The following SYNE2 variants were observed in gnomAD, a reference collection of about 807,000 sequenced individuals.
SYNE2 encodes the protein nesprin-2.
Under a neutral mutation model 856.3 loss-of-function variants are expected in SYNE2, and 431 were observed. The ratio of observed to expected loss-of-function variants is 0.50; its 90% CI spans 0.47 to 0.55. The LOEUF (loss-of-function observed/expected upper bound fraction) is 0.55, where lower values mean the gene tolerates loss of function less well. Among genes scored for constraint, SYNE2 ranks in the 20% least tolerant of loss-of-function variants. The pLI, the probability that SYNE2 is intolerant of heterozygous loss-of-function variation, is 0.00. For synonymous variants in SYNE2, 2,923 were observed against 2,872.3 expected, an observed-to-expected ratio of 1.02 and a Z score of -0.56; for missense variants, 8,129 against 8,023.2, an observed-to-expected ratio of 1.01 and a Z score of -0.50.
At chr14:64,210,238 G>A (rs890309651) in intron 103 of SYNE2, 114 bp downstream of exon 103, 1 of 1,348,652 alleles carries the variant, frequency 7.4e-7, no homozygotes. Flanking sequence ...CTTCAGGCCT[G>A]AGCTGTTTTA....
At chr14:63,815,139 TATATATACACATATATATCC>T (rs1888884828) in intron 1 of SYNE2, among the ~76,000 whole-genome samples, 2 of 131,056 alleles carry the variant, frequency 1.5e-5, no homozygotes, top group Admixed American at 8.3e-5. Context: ...TATATATCCA[TATATATACACATATATATCC>T]ATATATATCC....
In SYNE2 at chr14:64,025,210, A is replaced by G. The variant is rs2096968453; in HGVS notation, c.6041A>G (p.Glu2014Gly). 1.9e-6 allele frequency: 3 copies of G among 1,614,010 alleles called. No homozygotes were observed. Among genetic ancestry groups the G allele is most frequent in the Non-Finnish European group, 1.7e-6 (2 of 1,180,006 alleles). Reference sequence around the variant, plus strand: ...ACTGAAGAAGAAGAAATAATAATGGAAGCAACATGTTTGATGGATAGATAC... The same window carrying G: ...ACTGAAGAAGAAGAAATAATAATGGGAGCAACATGTTTGATGGATAGATAC... ...GFTEEEEIIM[E>G]ATCLMDRYQT... The change falls in exon 41 of 116, where the codon GAA becomes GGA. Residue 2014 changes from glutamate (E) to glycine (G), a missense_variant. Glu to Gly is a moderately conservative substitution (Grantham distance 98). Transcript: ENST00000555002.
chr14:64,218,298 G>A, intron 108 of SYNE2, 100 bp from the exon 109 acceptor site: 1 of 1,051,390 alleles, frequency 9.5e-7, no homozygotes, highest in Non-Finnish European at 1.4e-6. Flanking sequence ...AAGGAAAGGG[G>A]CCCATCTCAT....
At position 64,152,556 on chromosome 14, in the gene SYNE2, T is replaced by TAA. The variant is rs1212845318; in HGVS notation, c.15640-8_15640-7insAA. ...TGCATTGAAAACCTTTTCCTCTTAC[T>TAA]CTTCCAGGATATAGAAAATCAACTT... is the stretch of plus-strand genomic sequence containing the variant. On this transcript the variant is annotated splice_region_variant and splice_polypyrimidine_tract_variant and intron_variant, in intron 84 of 115. Transcript: ENST00000555002. 8 of 1,613,954 alleles carry TAA rather than the reference T, an allele frequency of 5.0e-6. 1 individual carries two copies. The South Asian group carries it at 8.8e-5, about 18-fold the overall frequency.
intron 12 of SYNE2, among the ~76,000 whole-genome samples, chr14:63,977,048 C>T (rs1160497357): frequency 6.6e-6 from 1 of 151,070 alleles, no homozygotes. Flanking sequence ...ATTTGAGGGT[C>T]TGGGTTCTCA....
chr14:64,215,413 C>A, intron 107 of SYNE2, 59 bp downstream of exon 107: 1 of 1,515,822 alleles, frequency 6.6e-7, no homozygotes, highest in Non-Finnish European at 9.2e-7. Flanking sequence ...ACACTGCATC[C>A]TCAACCTCGC....
chr14:64,111,569 C>T (rs1177644651), intron 65 of SYNE2, among the ~76,000 whole-genome samples: 7 of 152,096 alleles, frequency 4.6e-5, no homozygotes, highest in South Asian at 2.1e-4. Flanking sequence ...GAGGTCTAGG[C>T]GGGTGGATCA....
At chr14:63,856,661 T>A (rs1208295727) in intron 1 of SYNE2, among the ~76,000 whole-genome samples, 3 of 152,248 alleles carry the variant, frequency 2.0e-5, no homozygotes, top group Non-Finnish European at 4.4e-5. Flanking sequence ...CCCTCCTTTT[T>A]TTCTTTTTAA....
At chr14:64,053,740 G>A in intron 48 of SYNE2, 83 bp downstream of exon 48, 1 of 1,423,472 alleles carries the variant, frequency 7.0e-7, no homozygotes, top group Non-Finnish European at 9.6e-7. Flanking sequence ...GCCAAGGCTG[G>A]CGGATCACTT....
At position 64,003,334 on chromosome 14, in the gene SYNE2, A is replaced by T. The variant is rs753108082; in HGVS notation, c.4397+4A>T. On this transcript the variant is annotated splice_donor_region_variant and intron_variant, in intron 30 of 115. Coordinates refer to ENST00000555002, the MANE Select transcript of SYNE2 (RefSeq NM_182914.3). ...CTGTTCCAGCTGTGAAACATCGGTA[A>T]GTATTGTCCATCCATTTCCATCCAA... 6.2e-7 allele frequency: 1 copy of T among 1,614,048 alleles called. No homozygotes were observed. Among genetic ancestry groups the T allele is most frequent in the South Asian group, 1.1e-5 (1 of 91,068 alleles).
rs1594706592 is a variant in SYNE2 at position 63,989,755 on chromosome 14, G to T, written c.2314-656G>T. ...AACCTCTGCCTCCTGGGTTCAAGCA[G>T]TTCTCCTGCCTCAGTCTCCCGAGTA... On this transcript the variant is annotated intron_variant, in intron 19 of 115. Coordinates refer to ENST00000555002, the MANE Select transcript of SYNE2 (RefSeq NM_182914.3). Among the ~76,000 whole-genome samples, 5 of 152,110 alleles carry T rather than the reference G, an allele frequency of 3.3e-5. No homozygotes were observed. The South Asian group carries it at 1.0e-3, about 31-fold the overall frequency.
intron 1 of SYNE2, among the ~76,000 whole-genome samples, chr14:63,771,214 C>A (rs886212164): frequency 1.3e-5 from 2 of 151,900 alleles, no homozygotes; most frequent in South Asian, 2.1e-4. Flanking sequence ...GGACTACAGG[C>A]GCCCACCATC....
chr14:64,086,700 G>A (rs2097564296), intron 57 of SYNE2, among the ~76,000 whole-genome samples: 1 of 110,744 alleles, frequency 9.0e-6, no homozygotes, highest in African/African-American at 3.2e-5. Flanking sequence ...CAGTATGCAG[G>A]TCTTTTTTTT....
intron 2 of SYNE2, among the ~76,000 whole-genome samples, chr14:63,939,730 C>A (rs1213815981): frequency 6.6e-6 from 1 of 152,150 alleles, no homozygotes; most frequent in African/African-American, 2.4e-5. Flanking sequence ...TCATTAGATT[C>A]TTATAATAAT....
chr14:64,133,486 G>A (rs1002700410), intron 77 of SYNE2, among the ~76,000 whole-genome samples: 17 of 152,046 alleles, frequency 1.1e-4, no homozygotes, highest in Non-Finnish European at 1.9e-4. Context: ...GGGTCCTCGG[G>A]GTGGGCATCC....
In SYNE2 at chr14:64,029,993, A is replaced by G. The variant is rs1567099291; in HGVS notation, c.6813A>G (p.Glu2271=). The change falls in exon 44 of 116, where the codon GAA becomes GAG. Residue 2271 remains glutamate (E), a synonymous_variant. Coordinates refer to ENST00000555002, the MANE Select transcript of SYNE2 (RefSeq NM_182914.3). ...LNTTLDNFSK[E]FVSFSDKPVD... ...CTACATTGGACAATTTCTCCAAGGA[A>G]TTTGTCAGTTTTTCTGATAAGCCTG... is the stretch of plus-strand genomic sequence containing the variant. 2.5e-6 allele frequency: 4 copies of G among 1,614,150 alleles called. No individual in the cohort carries two copies. Among genetic ancestry groups the G allele is most frequent in the Admixed American group, 1.7e-5 (1 of 60,028 alleles).
At chr14:64,152,816 A>T in intron 85 of SYNE2, 100 bp downstream of exon 85, 1 of 1,446,908 alleles carries the variant, frequency 6.9e-7, no homozygotes. Context: ...GAGACTCTCT[A>T]TACCAAACAC....
intron 1 of SYNE2, among the ~76,000 whole-genome samples, chr14:63,887,068 G>A (rs1225109421): frequency 6.6e-6 from 1 of 152,160 alleles, no homozygotes; most frequent in Non-Finnish European, 1.5e-5. Context: ...AGATCACGAG[G>A]TCAAGAGATC....
chr14:63,952,512 C>T (rs1038306157), intron 7 of SYNE2, among the ~76,000 whole-genome samples: 7 of 152,252 alleles, frequency 4.6e-5, no homozygotes, highest in African/African-American at 1.4e-4. Flanking sequence ...TAGTCTTACA[C>T]ACTCTAAAGT....
Sources: gnomAD v4.1 joint callset for allele counts (sites outside exome capture counted in the v4.1 genomes callset) on GRCh38, gnomAD v4.1.1 for gene constraint, MANE v1.5 for transcripts, NCBI Gene and HGNC (gene_info 2026-07-23, HGNC 2026-07-21) for gene names.